GOSR1: variants seen among roughly 807,000 people sequenced by gnomAD.
GOSR1 encodes 28 kDa Golgi SNARE protein.
GOSR1 carries 21 observed loss-of-function variants against 35.5 expected under a neutral mutation model. The ratio of observed to expected loss-of-function variants is 0.59; its 90% confidence interval spans 0.42 to 0.85. The LOEUF is 0.85. Ranked by LOEUF, GOSR1 falls within the 40% of genes least tolerant of loss-of-function variation. The pLI is 0.00. For synonymous variants in GOSR1, 94 were observed against 106.6 expected, an observed-to-expected ratio of 0.88 and a Z score of 0.73; for missense variants, 285 against 309.6, an observed-to-expected ratio of 0.92 and a Z score of 0.60.
intron 3 of GOSR1, 99 bp downstream of exon 3, chr17:30,484,400 C>A (rs1914545593): frequency 2.5e-6 from 2 of 797,398 alleles, no homozygotes; most frequent in Non-Finnish European, 4.5e-6. Context: ...TTGAAATTAT[C>A]CATTCCATTC....
rs377539836 is a variant in GOSR1, at chr17:30,505,725, G to C, written c.510-5155G>C. Among the ~76,000 whole-genome samples the C allele has an allele frequency of 6.6e-4, 100 of 152,174 alleles. 1 individual carries two copies. Among genetic ancestry groups the C allele is most frequent in the African/African-American group, 2.4e-3 (99 of 41,538 alleles). On this transcript the variant is annotated intron_variant, in intron 6 of 8. Transcript: ENST00000451249. ...CTTAATAAATGTTGTGTATGTGTGG[G>C]GGTTTTTTTGTTTTGTTTTGAGACA...
intron 8 of GOSR1, chr17:30,520,383 T>C (rs1051877919): frequency 1.2e-5 from 2 of 160,002 alleles, no homozygotes; most frequent in African/African-American, 4.8e-5. Context: ...TTTGTTGTTT[T>C]TCCCATTTAG....
intron 5 of GOSR1, 171 bp downstream of exon 5, chr17:30,490,388 T>G (rs1914966056): frequency 2.1e-6 from 1 of 469,890 alleles, no homozygotes; most frequent in South Asian, 3.0e-5. Flanking sequence ...CCTAATCTAC[T>G]TTTCCATTTT....
chr17:30,483,768 T>C (rs1914500889), intron 2 of GOSR1, among the ~76,000 whole-genome samples: 1 of 152,260 alleles, frequency 6.6e-6, no homozygotes, highest in Non-Finnish European at 1.5e-5. Context: ...CTGTCAAACC[T>C]AAGTTTCACT....
At chr17:30,508,153 C>T (rs181743070) in intron 6 of GOSR1, among the ~76,000 whole-genome samples, 1 of 152,218 alleles carries the variant, frequency 6.6e-6, no homozygotes, top group South Asian at 2.1e-4. Context: ...TAGGATAGGA[C>T]GTGGCTCATA....
rs879642723 is a variant in GOSR1 at position 30,519,763 on chromosome 17, T to C, written c.540-176T>C. On this transcript the variant is annotated intron_variant, in intron 7 of 8. Coordinates refer to ENST00000451249, the MANE Select transcript of GOSR1 (RefSeq NM_001007025.2). ...AGATATCAGAGAACAGTGGAGTCAT[T>C]TGGAAAAAGCGCAGTGGTAAAGTGG... is the stretch of plus-strand genomic sequence containing the variant. 5.5e-6 allele frequency: 3 copies of C among 547,844 alleles called. No individual in the cohort carries two copies. In the Admixed American group the frequency reaches 1.1e-4, roughly 20 times the overall value. 33.9% of individuals were successfully genotyped at this position (547,844 alleles called of 1,614,324 possible).
intron 6 of GOSR1, among the ~76,000 whole-genome samples, chr17:30,494,711 G>A (rs7217585): frequency 0.014 from 2,075 of 148,378 alleles, 42 homozygotes; most frequent in African/African-American, 0.052. Flanking sequence ...GGGTTCCAGC[G>A]GTTCTCCTGC....
intron 6 of GOSR1, among the ~76,000 whole-genome samples, chr17:30,506,218 C>G (rs1262194822): frequency 6.6e-6 from 1 of 152,166 alleles, no homozygotes; most frequent in Non-Finnish European, 1.5e-5. Flanking sequence ...AAACCACTAC[C>G]TTTAGTGAAG....
chr17:30,506,935 A>C (rs1294079962), intron 6 of GOSR1, among the ~76,000 whole-genome samples: 3 of 152,352 alleles, frequency 2.0e-5, no homozygotes, highest in Non-Finnish European at 2.9e-5. Flanking sequence ...CCTGGAAGAC[A>C]GCACATCTGT....
chr17:30,491,377 G>A (rs144856980), intron 5 of GOSR1, among the ~76,000 whole-genome samples: 156 of 152,272 alleles, frequency 1.0e-3, no homozygotes, highest in African/African-American at 3.6e-3. Context: ...TGAAAAGACC[G>A]GCCAGGCGTG....
At chr17:30,521,705 T>A (rs1968043030) in intron 8 of GOSR1, among the ~76,000 whole-genome samples, 1 of 152,202 alleles carries the variant, frequency 6.6e-6, no homozygotes, top group Non-Finnish European at 1.5e-5. Context: ...AATTCACCAG[T>A]GTCTGATTAT....
chr17:30,481,022 T>C (rs748612614), intron 1 of GOSR1, 121 bp from the exon 2 acceptor site: 1 of 680,030 alleles, frequency 1.5e-6, no homozygotes, highest in Non-Finnish European at 2.6e-6. Flanking sequence ...AACACTTTTC[T>C]TTATGGGGGT....
Position 30,522,084 on chromosome 17 carries a change from C to T in GOSR1, c.623-170C>T, listed in dbSNP as rs892328966. ...TGGTTAGGGGCCTTGAGCCGCAGCG[C>T]GTTCCCGGTTTGGGCAACTGCATCT... is the stretch of plus-strand genomic sequence containing the variant. On this transcript the variant is annotated intron_variant, in intron 8 of 8. Transcript: ENST00000451249. 4.6e-5 allele frequency among the ~76,000 whole-genome samples: 7 copies of T among 152,348 alleles called. No individual in the cohort carries two copies. The South Asian group carries it at 6.2e-4, about 14-fold the overall frequency.
rs147194045 is a variant in GOSR1, at chr17:30,501,461, C to T, written c.509+8708C>T. Among the ~76,000 whole-genome samples the T allele has an allele frequency of 5.0e-4, 76 of 151,878 alleles. 3 individuals carry two copies. In the East Asian group the frequency reaches 9.9e-3, roughly 20 times the overall value. ...CTGGTGTGAATGCAAAATGGTACAG[C>T]GACATTGGAAGACACTTACGCAGTT... On this transcript the variant is annotated intron_variant, in intron 6 of 8. Transcript: ENST00000451249.
In GOSR1 at chr17:30,484,203, CT is replaced by C. The variant is rs758950874; in HGVS notation, c.147-9del. 5 of 1,485,270 alleles carry C rather than the reference CT, an allele frequency of 3.4e-6. No individual in the cohort carries two copies. In the South Asian group the frequency reaches 5.7e-5, roughly 17 times the overall value. 92.0% of individuals were successfully genotyped at this position (1,485,270 alleles called of 1,614,324 possible). A position where few individuals can be genotyped will look rare whatever the true frequency, so the allele number is the denominator to read the frequency against. On this transcript the variant is annotated splice_polypyrimidine_tract_variant and intron_variant, in intron 2 of 8. Coordinates refer to ENST00000451249, the MANE Select transcript of GOSR1 (RefSeq NM_001007025.2). ...GAGTAATGGATCCTCTTTAACTGAACTTCTTTTTAGTTCTGATACAACACCC... is the reference window on the plus strand; with the variant it reads ...GAGTAATGGATCCTCTTTAACTGAACTCTTTTTAGTTCTGATACAACACCC...
intron 6 of GOSR1, among the ~76,000 whole-genome samples, chr17:30,497,129 C>A (rs567534588): frequency 1.1e-3 from 170 of 152,212 alleles, no homozygotes; most frequent in African/African-American, 4.0e-3. Context: ...TGGCTCATGC[C>A]TGTAAAGCCT....
At position 30,524,148 on chromosome 17, in the gene GOSR1, C is replaced by G. The variant is rs1968139792; in HGVS notation, c.*1770C>G. ...GTTCACTTGTTGATCTGCTGACCTT[C>G]CCTCCACTATTGTCCTATGACCCTG... On this transcript the variant is annotated 3_prime_UTR_variant, in exon 9 of 9. Transcript: ENST00000451249. The G allele has an allele frequency of 1.2e-5, 2 of 168,530 alleles. No homozygotes were observed. Among genetic ancestry groups the G allele is most frequent in the South Asian group, 1.9e-4 (1 of 5,356 alleles). The allele number at this position is 168,530 out of a possible 1,614,324, so 10.4% of individuals were successfully genotyped here. A position where few individuals can be genotyped will look rare whatever the true frequency, so the allele number is the denominator to read the frequency against.
intron 6 of GOSR1, among the ~76,000 whole-genome samples, chr17:30,497,835 G>A (rs548174397): frequency 1.2e-4 from 19 of 152,244 alleles, no homozygotes; most frequent in Middle Eastern, 3.4e-3. Flanking sequence ...GAGGCAGGAG[G>A]ATCACTTGAA....
chr17:30,485,904 C>A (rs1453578691), intron 4 of GOSR1, among the ~76,000 whole-genome samples: 1 of 151,448 alleles, frequency 6.6e-6, no homozygotes, highest in Non-Finnish European at 1.5e-5. Context: ...CGCCTGTAAT[C>A]CCAGCTACTT....
Sources: gnomAD v4.1 joint callset for allele counts (sites outside exome capture counted in the v4.1 genomes callset) on GRCh38, gnomAD v4.1.1 for gene constraint, MANE v1.5 for transcripts, NCBI Gene and HGNC (gene_info 2026-07-23, HGNC 2026-07-21) for gene names.